Variants in C11orf65 observed in about 807,000 individuals in gnomAD.
C11orf65 encodes the protein chromosome 11 open reading frame 65.
Under a neutral mutation model 35.3 loss-of-function variants are expected in C11orf65, and 38 were observed. The ratio of observed to expected loss-of-function variants is 1.08; its 90% CI spans 0.83 to 1.41. The LOEUF (loss-of-function observed/expected upper bound fraction) is 1.41. C11orf65 is among the 40% of genes most tolerant of loss of function. The probability of loss-of-function intolerance (pLI) is 0.00; values close to 1 mark genes in which losing one functional copy is unlikely to be tolerated. For missense variants in C11orf65, 370 were observed against 367.1 expected, an observed-to-expected ratio of 1.01 and a Z score of -0.06; for synonymous variants, 105 against 114.4, an observed-to-expected ratio of 0.92 and a Z score of 0.53.
chr11:108,420,359 CAGA>C (rs1591515804), intron 3 of C11orf65, among the ~76,000 whole-genome samples: 1 of 152,264 alleles, frequency 6.6e-6, no homozygotes, highest in African/African-American at 2.4e-5. Context: ...AAGAACTGGG[CAGA>C]AGAAGAGTTG....
At chr11:108,394,958 C>T (rs529125037) in intron 6 of C11orf65, among the ~76,000 whole-genome samples, 3 of 151,922 alleles carry the variant, frequency 2.0e-5, no homozygotes, top group South Asian at 4.2e-4. Context: ...CAGTGAGACC[C>T]CATCTCTACA....
chr11:108,321,278 T>C, intron 6 of C11orf65: 2 of 1,613,800 alleles, frequency 1.2e-6, no homozygotes, highest in Non-Finnish European at 1.7e-6. Context: ...ATTTTCAGAG[T>C]GTCTTTTCTT....
rs898184016 is a variant in C11orf65 at position 108,361,061 on chromosome 11, C to G, written c.227-25769G>C. ...ATCTAGAAAACCCCACTGTCTCAGC[C>G]CAAAATCTCCTTAAGCTGATAAGCA... On this transcript the variant is annotated intron_variant, in intron 2 of 3. Transcript: ENST00000524755. 6.5e-4 allele frequency among the ~76,000 whole-genome samples: 83 copies of G among 127,684 alleles called. 2 individuals carry two copies. Among genetic ancestry groups the G allele is most frequent in the African/African-American group, 2.4e-3 (78 of 32,478 alleles). The allele number at this position is 127,684 out of a possible 152,430, so 83.8% of individuals were successfully genotyped here.
chr11:108,412,465 C>CTA (rs1418662664), intron 3 of C11orf65, among the ~76,000 whole-genome samples: 2 of 152,160 alleles, frequency 1.3e-5, no homozygotes, highest in Non-Finnish European at 2.9e-5. Flanking sequence ...CAAGACCCAA[C>CTA]TATATGTTAT....
chr11:108,370,804 A>G (rs1161905940), intron 2 of C11orf65, among the ~76,000 whole-genome samples: 1 of 152,076 alleles, frequency 6.6e-6, no homozygotes, highest in African/African-American at 2.4e-5. Flanking sequence ...CTAAGGTTAA[A>G]TCATCTTATA....
chr11:108,408,074 A>C (rs1293007194), intron 3 of C11orf65, among the ~76,000 whole-genome samples: 1 of 150,322 alleles, frequency 6.7e-6, no homozygotes, highest in Non-Finnish European at 1.5e-5. Flanking sequence ...CACAATGTGC[A>C]GGTTAGTTAC....
chr11:108,451,015 A>G (rs1591594790), intron 2 of C11orf65, among the ~76,000 whole-genome samples: 1 of 151,970 alleles, frequency 6.6e-6, no homozygotes, highest in Non-Finnish European at 1.5e-5. Context: ...TTTCAAAATA[A>G]TAACAGCTAT....
At chr11:108,413,367 A>T (rs1565665775) in intron 3 of C11orf65, among the ~76,000 whole-genome samples, 1 of 151,930 alleles carries the variant, frequency 6.6e-6, no homozygotes, top group East Asian at 1.9e-4. Context: ...CCAACTCTCC[A>T]CTGTCTATCA....
intron 3 of C11orf65, among the ~76,000 whole-genome samples, chr11:108,417,533 C>T (rs909706410): frequency 3.3e-5 from 5 of 150,556 alleles, no homozygotes; most frequent in Non-Finnish European, 5.9e-5. Context: ...GGCAACAGAA[C>T]GAGACTCTGT....
chr11:108,402,722 C>G (rs2092460465), intron 6 of C11orf65, among the ~76,000 whole-genome samples: 2 of 117,616 alleles, frequency 1.7e-5, no homozygotes, highest in African/African-American at 5.2e-5. Flanking sequence ...TCCTTGTACT[C>G]CTTTGGAATC....
intron 2 of C11orf65, among the ~76,000 whole-genome samples, chr11:108,454,033 C>T (rs2093383607): frequency 6.6e-6 from 1 of 152,176 alleles, no homozygotes; most frequent in Non-Finnish European, 1.5e-5. Flanking sequence ...GTGAATTCAA[C>T]AGTGAAGCCA....
chr11:108,392,824 T>A (rs1389780953), intron 7 of C11orf65, among the ~76,000 whole-genome samples: 1 of 152,220 alleles, frequency 6.6e-6, no homozygotes, highest in Non-Finnish European at 1.5e-5. Context: ...AGGGCCATAG[T>A]ACATCACTGA....
At chr11:108,456,877 A>C (rs2093416418) in intron 2 of C11orf65, among the ~76,000 whole-genome samples, 1 of 152,214 alleles carries the variant, frequency 6.6e-6, no homozygotes, top group African/African-American at 2.4e-5. Context: ...TTCATTAAGA[A>C]CATCTTAGAG....
intron 2 of C11orf65, among the ~76,000 whole-genome samples, chr11:108,371,928 A>G (rs1463834260): frequency 6.6e-6 from 1 of 152,180 alleles, no homozygotes; most frequent in Non-Finnish European, 1.5e-5. Context: ...AGCAGACATA[A>G]TGGGTGTGGG....
At chr11:108,407,748 C>A (rs900631621) in intron 3 of C11orf65, among the ~76,000 whole-genome samples, 5 of 150,560 alleles carry the variant, frequency 3.3e-5, no homozygotes, top group African/African-American at 4.9e-5. Flanking sequence ...ATCGAGACCA[C>A]GGTGAAACCC....
chr11:108,422,001 G>A (rs1023369949), intron 3 of C11orf65, among the ~76,000 whole-genome samples: 7 of 152,026 alleles, frequency 4.6e-5, no homozygotes, highest in African/African-American at 1.7e-4. Context: ...GCGCAATCTC[G>A]GCTTGCTGCA....
At chr11:108,317,311 T>C (rs2136158665) in intron 6 of C11orf65, 6 of 1,538,534 alleles carry the variant, frequency 3.9e-6, no homozygotes, top group South Asian at 1.1e-5. Context: ...GCTGTTTTTT[T>C]CTCTGGTTTT....
intron 3 of C11orf65, among the ~76,000 whole-genome samples, chr11:108,408,240 A>T (rs2092583845): frequency 6.6e-6 from 1 of 152,062 alleles, no homozygotes; most frequent in African/African-American, 2.4e-5. Flanking sequence ...CATAAAACTT[A>T]ACTTTTAAAT....
At chr11:108,469,668 A>G (rs1237735503), upstream of C11orf65, among the ~76,000 whole-genome samples, 2 of 152,102 alleles carry the variant, frequency 1.3e-5, no homozygotes, top group Admixed American at 1.3e-4. Flanking sequence ...AGCAATTTCT[A>G]CATAACAGGC....
Sources: gnomAD v4.1 joint callset for allele counts (sites outside exome capture counted in the v4.1 genomes callset) on GRCh38, gnomAD v4.1.1 for gene constraint, MANE v1.5 for transcripts, NCBI Gene and HGNC (gene_info 2026-07-23, HGNC 2026-07-21) for gene names.